Variants in MTTP observed in about 807,000 individuals in gnomAD.
MTTP encodes microsomal triglyceride transfer protein large subunit.
In MTTP, 49 loss-of-function variants were observed where a neutral mutation model predicts 90.6. The observed-to-expected ratio is 0.54, with a 90% CI of 0.43 to 0.69. The LOEUF (loss-of-function observed/expected upper bound fraction) is 0.69. Among genes scored for constraint, MTTP ranks in the 30% least tolerant of loss-of-function variants. MTTP has a pLI of 0.00. For synonymous variants in MTTP, 347 were observed against 384.2 expected (o/e 0.90, Z 1.13); for missense variants, 945 against 1,067.5 (o/e 0.89, Z 1.60).
chr4:99,564,191 A>C (rs1244526323), exon 1 of MTTP: 1 of 1,535,616 alleles, frequency 6.5e-7, no homozygotes, highest in Admixed American at 2.0e-5. Context: ...TTTCCCGTTC[A>C]AGAATTAAGT....
intron 15 of MTTP, among the ~76,000 whole-genome samples, chr4:99,614,994 C>T (rs1321539164): frequency 6.6e-6 from 1 of 152,140 alleles, no homozygotes; most frequent in East Asian, 1.9e-4. Context: ...TGCACAATTC[C>T]AGTTTTAATG....
chr4:99,564,246 T>C, intron 1 of MTTP: 1 of 1,535,362 alleles, frequency 6.5e-7, no homozygotes, highest in South Asian at 1.2e-5. Context: ...TTGTGAGTAT[T>C]GGATGAAGGA....
intron 1 of MTTP, among the ~76,000 whole-genome samples, chr4:99,579,178 CTCT>C (rs1165281071): frequency 6.6e-6 from 1 of 152,186 alleles, no homozygotes; most frequent in African/African-American, 2.4e-5. Context: ...CTTCTCCTGG[CTCT>C]TCTTGATTCC....
Position 99,622,995 on chromosome 4 carries a change from G to T in MTTP, c.*147G>T. ...AAAAAGCTACAAAAAACTGCAGTTT[G>T]ATCAAATTTGGGTATATGCAGTATG... On this transcript the variant is annotated 3_prime_UTR_variant, in exon 18 of 18. Transcript: ENST00000265517. The T allele has an allele frequency of 1.1e-6, 1 of 947,594 alleles. No homozygotes were observed. The highest frequency in any genetic ancestry group is 1.9e-5 in the Admixed American group (1 of 51,308). The allele number at this position is 947,594 out of a possible 1,614,324, so 58.7% of individuals were successfully genotyped here. A position where few individuals can be genotyped will look rare whatever the true frequency, so the allele number is the denominator to read the frequency against.
chr4:99,582,205 T>C, intron 2 of MTTP, 113 bp downstream of exon 2: 1 of 1,081,872 alleles, frequency 9.2e-7, no homozygotes, highest in Admixed American at 1.9e-5. Context: ...TTTAGTTTCT[T>C]ATCTATCACT....
chr4:99,605,899 CTG>C (rs1365281538), intron 10 of MTTP, among the ~76,000 whole-genome samples: 2 of 94,172 alleles, frequency 2.1e-5, no homozygotes, highest in African/African-American at 1.3e-4. Context: ...ATGTGTGTGT[CTG>C]TGTGTTTGTG....
At chr4:99,573,642 T>C (rs1359168245), upstream of MTTP, among the ~76,000 whole-genome samples, 1 of 152,150 alleles carries the variant, frequency 6.6e-6, no homozygotes, top group African/African-American at 2.4e-5. Context: ...ACATTTTAAA[T>C]TGCATTGTGT....
intron 1 of MTTP, among the ~76,000 whole-genome samples, chr4:99,568,565 T>A (rs1724760648): frequency 6.6e-6 from 1 of 152,152 alleles, no homozygotes; most frequent in African/African-American, 2.4e-5. Flanking sequence ...ACACCTAGTG[T>A]CCAGATCTTG....
chr4:99,578,389 G>A lies in MTTP; in HGVS notation c.61+3419G>A, dbSNP rs754703056. On this transcript the variant is annotated intron_variant, in intron 1 of 17. Transcript: ENST00000265517. ...TAAGTCAACAATATAAATGGGACATGCCCCAATGCCCAGTGTTGCCAGATC... is the reference window on the plus strand; with the variant it reads ...TAAGTCAACAATATAAATGGGACATACCCCAATGCCCAGTGTTGCCAGATC... 4.8e-4 allele frequency among the ~76,000 whole-genome samples: 73 copies of A among 152,164 alleles called. 1 individual carries two copies. Among genetic ancestry groups the A allele is most frequent in the Non-Finnish European group, 9.6e-4 (65 of 68,020 alleles).
At chr4:99,604,408 C>T (rs576764113) in intron 10 of MTTP, among the ~76,000 whole-genome samples, 1 of 152,166 alleles carries the variant, frequency 6.6e-6, no homozygotes, top group African/African-American at 2.4e-5. Flanking sequence ...ATCCTAATTC[C>T]TTATTTTCAC....
intron 1 of MTTP, among the ~76,000 whole-genome samples, chr4:99,565,146 A>C (rs771807914): frequency 6.6e-6 from 1 of 152,240 alleles, no homozygotes; most frequent in Non-Finnish European, 1.5e-5. Context: ...GTAGCCCTTC[A>C]CATGTAGGTC....
At chr4:99,580,563 A>G (rs1166124467) in intron 1 of MTTP, among the ~76,000 whole-genome samples, 1 of 123,296 alleles carries the variant, frequency 8.1e-6, no homozygotes, top group Non-Finnish European at 1.6e-5. Flanking sequence ...CGACAGAGTG[A>G]GACTCTGTCT....
intron 15 of MTTP, among the ~76,000 whole-genome samples, chr4:99,617,942 T>G (rs1487206664): frequency 1.3e-5 from 2 of 152,210 alleles, no homozygotes; most frequent in African/African-American, 2.4e-5. Context: ...GTTTTCTAGT[T>G]GGATGTAGGC....
chr4:99,575,035 C>CGT, intron 1 of MTTP, 65 bp downstream of exon 1: 19 of 1,521,198 alleles, frequency 1.2e-5, no homozygotes, highest in East Asian at 2.3e-5. Context: ...CAGATACGTG[C>CGT]GTGTGTGTGT....
intron 16 of MTTP, 35 bp from the exon 17 acceptor site, chr4:99,621,026 T>A: frequency 6.3e-7 from 1 of 1,597,768 alleles, no homozygotes; most frequent in East Asian, 2.2e-5. Flanking sequence ...AAATATAATA[T>A]GAACAAGTTT....
chr4:99,575,212 G>C (rs1437629478), intron 1 of MTTP, among the ~76,000 whole-genome samples: 1 of 152,190 alleles, frequency 6.6e-6, no homozygotes, highest in East Asian at 1.9e-4. Context: ...CCTCAGACCA[G>C]TGTGTTCTTG....
chr4:99,578,235 T>C (rs1725015130), intron 1 of MTTP, among the ~76,000 whole-genome samples: 1 of 152,226 alleles, frequency 6.6e-6, no homozygotes, highest in African/African-American at 2.4e-5. Context: ...CTAAATGCAC[T>C]TGAAGGGCAA....
upstream of MTTP, among the ~76,000 whole-genome samples, chr4:99,570,070 A>T (rs1396710751): frequency 6.6e-6 from 1 of 151,656 alleles, no homozygotes; most frequent in African/African-American, 2.4e-5. Context: ...CACTGTTATT[A>T]AGAGCCAGTG....
chr4:99,582,502 C>T (rs1725144924), intron 2 of MTTP, among the ~76,000 whole-genome samples: 1 of 152,150 alleles, frequency 6.6e-6, no homozygotes, highest in Non-Finnish European at 1.5e-5. Context: ...GGTGGAATTA[C>T]TGAAGAGAGA....
Sources: gnomAD v4.1 joint callset for allele counts (sites outside exome capture counted in the v4.1 genomes callset) on GRCh38, gnomAD v4.1.1 for gene constraint, MANE v1.5 for transcripts, NCBI Gene and HGNC (gene_info 2026-07-23, HGNC 2026-07-21) for gene names.